The following CWF19L1 variants were observed in gnomAD, a reference collection of about 807,000 sequenced individuals.
CWF19L1 encodes the protein CWF19-like protein 1.
Under a neutral mutation model 69.7 loss-of-function variants are expected in CWF19L1, and 60 were observed. The ratio of observed to expected loss-of-function variants is 0.86; its 90% CI spans 0.70 to 1.07. The LOEUF (loss-of-function observed/expected upper bound fraction) is 1.07, where lower values mean the gene tolerates loss of function less well. Among genes scored for constraint, CWF19L1 ranks in the 50% least tolerant of loss-of-function variants. The probability of loss-of-function intolerance (pLI) is 0.00; values close to 1 mark genes in which losing one functional copy is unlikely to be tolerated. For synonymous variants in CWF19L1, 209 were observed against 222.2 expected (o/e 0.94, Z 0.53); for missense variants, 591 against 638.9 (o/e 0.92, Z 0.81).
chr10:100,248,123 C>T (rs1564855547), intron 7 of CWF19L1: 2 of 531,900 alleles, frequency 3.8e-6, no homozygotes, highest in African/African-American at 1.9e-5. Context: ...AAGTGTTATT[C>T]AGTTTGAAAG....
intron 1 of CWF19L1, among the ~76,000 whole-genome samples, chr10:100,264,262 A>C (rs1847497609): frequency 6.6e-6 from 1 of 152,208 alleles, no homozygotes; most frequent in Admixed American, 6.5e-5. Context: ...TTAGCATGCT[A>C]TGGCCAGGTG....
chr10:100,249,232 C>G (rs953297417), intron 7 of CWF19L1: 6 of 239,992 alleles, frequency 2.5e-5, no homozygotes, highest in African/African-American at 1.4e-4. Flanking sequence ...GATCCGCCCC[C>G]TCCCCCAAAA....
intron 12 of CWF19L1, among the ~76,000 whole-genome samples, chr10:100,236,548 G>A (rs1235966633): frequency 6.6e-6 from 1 of 152,142 alleles, no homozygotes; most frequent in Non-Finnish European, 1.5e-5. Flanking sequence ...AAGGCAGGCA[G>A]ATCACAAGGT....
intron 7 of CWF19L1, among the ~76,000 whole-genome samples, chr10:100,247,350 T>C (rs1053699252): frequency 1.1e-4 from 16 of 152,230 alleles, no homozygotes; most frequent in African/African-American, 3.4e-4. Flanking sequence ...CTAATGAAAA[T>C]TACAAACGAA....
intron 12 of CWF19L1, 52 bp downstream of exon 12, chr10:100,236,791 ACAACAAC>A (rs1212536094): frequency 6.5e-7 from 1 of 1,528,508 alleles, no homozygotes; most frequent in Non-Finnish European, 8.8e-7. Context: ...CAAACAACAA[ACAACAAC>A]AAAAAAAACA....
chr10:100,244,657 T>G (rs1033238327), intron 9 of CWF19L1, among the ~76,000 whole-genome samples: 9 of 150,496 alleles, frequency 6.0e-5, no homozygotes, highest in African/African-American at 2.2e-4. Flanking sequence ...GCCTGGCCCG[T>G]TATTTTATTT....
At chr10:100,244,664 A>AT (rs2134288766) in intron 9 of CWF19L1, among the ~76,000 whole-genome samples, 1 of 146,836 alleles carries the variant, frequency 6.8e-6, no homozygotes, top group Non-Finnish European at 1.5e-5. Context: ...CCGTTATTTT[A>AT]TTTTTTTGAG....
chr10:100,234,602 G>A (rs1231111925), intron 13 of CWF19L1, among the ~76,000 whole-genome samples: 1 of 152,132 alleles, frequency 6.6e-6, no homozygotes, highest in Admixed American at 6.6e-5. Context: ...ACTTATCTAA[G>A]GGGGCAATCT....
At chr10:100,267,345 C>T (rs1388428717) in intron 1 of CWF19L1, 1 of 832,076 alleles carries the variant, frequency 1.2e-6, no homozygotes, top group African/African-American at 1.8e-5. Context: ...GGAGCTTCCG[C>T]CTCTCCGAAC....
chr10:100,261,170 A>G (rs1847387009), intron 2 of CWF19L1, 126 bp from the exon 3 acceptor site: 6 of 632,072 alleles, frequency 9.5e-6, no homozygotes, highest in Non-Finnish European at 1.7e-5. Context: ...CAATTTGCAG[A>G]TTTCAATATA....
At chr10:100,250,200 C>T in intron 7 of CWF19L1, 48 bp downstream of exon 7, 1 of 1,207,544 alleles carries the variant, frequency 8.3e-7, no homozygotes, top group Non-Finnish European at 1.2e-6. Flanking sequence ...ATACATTTAT[C>T]AGGCAGACCA....
At chr10:100,239,629 A>G in intron 10 of CWF19L1, among the ~76,000 whole-genome samples, 1 of 152,212 alleles carries the variant, frequency 6.6e-6, no homozygotes, top group South Asian at 2.1e-4. Context: ...ACAGAACAAG[A>G]CTGTCTCAGG....
Position 100,266,693 on chromosome 10 carries a change from T to TTTTTTTTTTG in CWF19L1, c.23+877_23+878insCAAAAAAAAA, listed in dbSNP as rs199826886. On this transcript the variant is annotated intron_variant, in intron 1 of 13. Transcript: ENST00000354105. ...ACCACGCCTGGCTAATTTTTTTTTT[T>TTTTTTTTTTG]TGTATTAGTAGAGACGGGGTGTCAC... 5.3e-5 allele frequency among the ~76,000 whole-genome samples: 8 copies of TTTTTTTTTTG among 149,914 alleles called. No homozygotes were observed. The South Asian group carries it at 1.1e-3, about 20-fold the overall frequency.
intron 1 of CWF19L1, among the ~76,000 whole-genome samples, chr10:100,263,408 C>G (rs968574628): frequency 1.3e-5 from 2 of 152,226 alleles, no homozygotes; most frequent in African/African-American, 4.8e-5. Flanking sequence ...CTGGCTGGCT[C>G]AGAAGTCATT....
intron 13 of CWF19L1, among the ~76,000 whole-genome samples, chr10:100,234,879 A>G (rs185910884): frequency 6.6e-6 from 1 of 152,142 alleles, no homozygotes; most frequent in East Asian, 1.9e-4. Flanking sequence ...CTAGGCCTTT[A>G]CCATACTGTA....
At chr10:100,260,610 C>A (rs780893402) in intron 3 of CWF19L1, among the ~76,000 whole-genome samples, 2 of 151,860 alleles carry the variant, frequency 1.3e-5, no homozygotes, top group Non-Finnish European at 2.9e-5. Context: ...GCAATCTCCG[C>A]CTCCCAGGTT....
intron 11 of CWF19L1, chr10:100,237,435 C>T (rs1846481686): frequency 2.2e-5 from 8 of 361,568 alleles, no homozygotes; most frequent in South Asian, 1.7e-4. Context: ...TCTTATCCAG[C>T]AAGCCCCACA....
chr10:100,236,396 C>G (rs1357104468), intron 12 of CWF19L1, among the ~76,000 whole-genome samples: 1 of 152,098 alleles, frequency 6.6e-6, no homozygotes, highest in Non-Finnish European at 1.5e-5. Context: ...GTGTGAGCTA[C>G]CATGCCCAAC....
intron 10 of CWF19L1, among the ~76,000 whole-genome samples, chr10:100,241,028 T>TTTTTG (rs1564851594): frequency 5.0e-5 from 7 of 140,722 alleles, no homozygotes; most frequent in African/African-American, 1.9e-4. Context: ...TTTTTTTTTT[T>TTTTTG]GTGACAGAGT....
Sources: gnomAD v4.1 joint callset for allele counts (sites outside exome capture counted in the v4.1 genomes callset) on GRCh38, gnomAD v4.1.1 for gene constraint, MANE v1.5 for transcripts, NCBI Gene and HGNC (gene_info 2026-07-23, HGNC 2026-07-21) for gene names.